CLEC16A: variants seen among roughly 807,000 people sequenced by gnomAD.
CLEC16A encodes protein CLEC16A.
CLEC16A carries 51 observed loss-of-function variants against 109.5 expected under a neutral mutation model. That is an observed-to-expected ratio of 0.47 (90% confidence interval 0.37 to 0.59). The LOEUF (loss-of-function observed/expected upper bound fraction) is 0.59. CLEC16A is among the 20% of genes least tolerant of loss of function. The pLI is 0.00. For missense variants in CLEC16A, 1,339 were observed against 1,394.0 expected (o/e 0.96, Z 0.63); for synonymous variants, 673 against 564.2 (o/e 1.19, Z -2.73).
intron 16 of CLEC16A, 143 bp from the exon 17 acceptor site, chr16:11,047,149 C>T (rs1177902292): frequency 6.1e-6 from 3 of 491,132 alleles, no homozygotes; most frequent in African/African-American, 2.0e-5. Context: ...TTCACGTGTG[C>T]ATTTTACTTC....
intron 22 of CLEC16A, among the ~76,000 whole-genome samples, chr16:11,157,802 G>A (rs911314899): frequency 1.3e-5 from 2 of 152,178 alleles, no homozygotes; most frequent in African/African-American, 4.8e-5. Context: ...TGGGTAGTTT[G>A]GGCCCTGTGC....
chr16:11,058,364 T>G, intron 18 of CLEC16A, among the ~76,000 whole-genome samples: 1 of 152,244 alleles, frequency 6.6e-6, no homozygotes, highest in Admixed American at 6.5e-5. Flanking sequence ...GCGTAGTGTT[T>G]GCATATAACC....
intron 22 of CLEC16A, among the ~76,000 whole-genome samples, chr16:11,133,936 G>T (rs1284916473): frequency 3.3e-5 from 5 of 152,120 alleles, no homozygotes; most frequent in Non-Finnish European, 5.9e-5. Flanking sequence ...ATGGAAATTT[G>T]ATTCCTACCC....
intron 2 of CLEC16A, 138 bp downstream of exon 2, chr16:10,958,048 T>G: frequency 2.8e-6 from 2 of 714,654 alleles, no homozygotes; most frequent in Non-Finnish European, 2.0e-6. Context: ...TCTGTCTAGC[T>G]GTAAAAAAAA....
chr16:10,962,650 C>G (rs900702635), intron 3 of CLEC16A, 62 bp downstream of exon 3: 7 of 1,583,606 alleles, frequency 4.4e-6, no homozygotes, highest in Non-Finnish European at 6.0e-6. Flanking sequence ...TGAAGTTGGG[C>G]GTGGTTTTCT....
chr16:11,169,109 C>A (rs1165119771), intron 23 of CLEC16A, among the ~76,000 whole-genome samples: 1 of 152,172 alleles, frequency 6.6e-6, no homozygotes, highest in East Asian at 1.9e-4. Flanking sequence ...CTACAAGGGG[C>A]AGCATGTCCT....
rs199512465 is a variant in CLEC16A at position 11,178,646 on chromosome 16, G to A, written c.3118G>A (p.Glu1040Lys). The A allele has an allele frequency of 1.5e-5, 24 of 1,571,944 alleles. No homozygotes were observed. Among genetic ancestry groups the A allele is most frequent in the South Asian group, 8.2e-5 (7 of 85,548 alleles). ...PAAACTEPVG[E>K]EAACAEPVGT... ...TGCCGCCTGCACAGAGCCCGTGGGC[G>A]AAGAGGCTGCATGTGCTGAGCCTGT... The change falls in exon 24 of 24, where the codon GAA becomes AAA. Residue 1040 changes from glutamate to lysine, a missense_variant. Glu to Lys is a moderately conservative substitution (Grantham distance 56). Around this residue, in one of 3 missense-constraint regions of CLEC16A, gnomAD observed 1,061 missense variants for 1,006.8 expected, o/e 1.05. Transcript: ENST00000409790. The surrounding 1 kb of genome is among the most constrained non-coding windows in gnomAD (Gnocchi z 6.5).
At position 11,016,146 on chromosome 16, in the gene CLEC16A, A is replaced by G. The variant is rs1432242490; in HGVS notation, c.1304-4047A>G. ...TATAAAACAAAATAGATTTTAAAAG[A>G]TGAGAAGCGTTAAAAGACCTACTGC... On this transcript the variant is annotated intron_variant, in intron 11 of 23. Coordinates refer to ENST00000409790, the MANE Select transcript of CLEC16A (RefSeq NM_015226.3). 2.0e-5 allele frequency among the ~76,000 whole-genome samples: 3 copies of G among 147,418 alleles called. No homozygotes were observed. The East Asian group carries it at 6.1e-4, about 30-fold the overall frequency.
At chr16:11,068,846 G>A (rs576079595) in intron 19 of CLEC16A, among the ~76,000 whole-genome samples, 11 of 151,932 alleles carry the variant, frequency 7.2e-5, no homozygotes, top group Admixed American at 1.3e-4. Flanking sequence ...ACAGAGTCTC[G>A]CTCTTTCATC....
intron 9 of CLEC16A, among the ~76,000 whole-genome samples, chr16:10,980,538 G>A (rs999941451): frequency 6.6e-6 from 1 of 151,962 alleles, no homozygotes; most frequent in Non-Finnish European, 1.5e-5. Flanking sequence ...GCCCGGGCAG[G>A]GTCTCCTCCA....
At chr16:11,120,251 G>A (rs573239690) in intron 19 of CLEC16A, among the ~76,000 whole-genome samples, 10 of 152,244 alleles carry the variant, frequency 6.6e-5, no homozygotes, top group African/African-American at 1.4e-4. Context: ...GATTGCAGGC[G>A]TGAGCCACGG....
At chr16:11,107,986 C>G (rs1465682963) in intron 19 of CLEC16A, among the ~76,000 whole-genome samples, 1 of 152,224 alleles carries the variant, frequency 6.6e-6, no homozygotes, top group Non-Finnish European at 1.5e-5. Context: ...GTGGCCAAGG[C>G]CCCTCCTGCA....
In CLEC16A at chr16:10,969,165, T is replaced by C. The variant is rs200881268; in HGVS notation, c.348T>C (p.Tyr116=). 7.5e-6 allele frequency: 12 copies of C among 1,607,680 alleles called. No individual in the cohort carries two copies. In the South Asian group the frequency reaches 1.3e-4, roughly 18 times the overall value. The change falls in exon 4 of 24, where the codon TAT becomes TAC. Residue 116 remains tyrosine, a synonymous_variant. Transcript: ENST00000409790. ...TTTGTTTTTTTCTCCCTCTAGATTA[T>C]TTGCTCTCAAATAACTACGTAAATT... ...ENISHETSLY[Y]LLSNNYVNSI...
intron 19 of CLEC16A, among the ~76,000 whole-genome samples, chr16:11,114,128 CGTGTGTGTGTGTGTGT>C (rs3030600): frequency 0.029 from 3,628 of 127,294 alleles, 62 homozygotes; most frequent in Admixed American, 0.034. Context: ...TGAGGATGGC[CGTGTGTGTGTGTGTGT>C]GTGTGTGTGT....
At chr16:10,997,882 G>T (rs1202649052) in intron 10 of CLEC16A, among the ~76,000 whole-genome samples, 1 of 152,202 alleles carries the variant, frequency 6.6e-6, no homozygotes, top group South Asian at 2.1e-4. Context: ...ATTAATTGTT[G>T]ATTGATTGCA....
rs539879520 is a variant in CLEC16A, at chr16:11,005,958, A to G, written c.1303+2653A>G. On this transcript the variant is annotated intron_variant, in intron 11 of 23. Transcript: ENST00000409790. ...TCTGAATATAGAAAATATAATTCAC[A>G]TGATGACTTTTTTTTTTTTTAAGTG... Among the ~76,000 whole-genome samples the G allele has an allele frequency of 2.1e-3, 298 of 145,082 alleles. 1 individual carries two copies. The highest frequency in any genetic ancestry group is 6.9e-3 in the African/African-American group (278 of 40,188).
At chr16:11,114,405 G>A (rs549516933) in intron 19 of CLEC16A, among the ~76,000 whole-genome samples, 1 of 152,240 alleles carries the variant, frequency 6.6e-6, no homozygotes, top group East Asian at 1.9e-4. Flanking sequence ...TGACCAGGCA[G>A]TCTCATGTCA....
chr16:11,163,949 C>T (rs1451438731), intron 22 of CLEC16A, among the ~76,000 whole-genome samples: 3 of 152,090 alleles, frequency 2.0e-5, no homozygotes, highest in East Asian at 3.8e-4. Context: ...GGGGGTTTAC[C>T]GCTCTAAGTG....
At chr16:11,085,647 A>G (rs981412156) in intron 19 of CLEC16A, among the ~76,000 whole-genome samples, 7 of 152,242 alleles carry the variant, frequency 4.6e-5, no homozygotes, top group African/African-American at 1.4e-4. Flanking sequence ...TAGAGCCAAG[A>G]ACAGCCTCCT....
Sources: allele counts gnomAD v4.1 joint callset (sites outside exome capture counted in the v4.1 genomes callset), GRCh38; gene constraint gnomAD v4.1.1; regional missense constraint gnomAD v4.1.1; non-coding constraint Gnocchi (gnomAD v3.1); transcripts MANE v1.5; gene names NCBI Gene and HGNC (gene_info 2026-07-23, HGNC 2026-07-21).